The following LSAMP variants were observed in gnomAD, a reference collection of about 807,000 sequenced individuals.
The protein encoded by LSAMP is limbic system-associated membrane protein.
LSAMP carries 7 observed loss-of-function variants against 38.6 expected under a neutral mutation model. The ratio of observed to expected loss-of-function variants is 0.18; its 90% CI spans 0.10 to 0.34. The LOEUF (loss-of-function observed/expected upper bound fraction) is 0.34, where lower values mean the gene tolerates loss of function less well. Ranked by LOEUF, LSAMP falls within the 10% of genes least tolerant of loss-of-function variation. The pLI is 1.00. For missense variants in LSAMP, 313 were observed against 420.0 expected, an observed-to-expected ratio of 0.75 and a Z score of 2.23; for synonymous variants, 154 against 166.8, an observed-to-expected ratio of 0.92 and a Z score of 0.59.
chr3:116,081,470 TG>T (rs1707871826), intron 2 of LSAMP, among the ~76,000 whole-genome samples: 1 of 151,738 alleles, frequency 6.6e-6, no homozygotes, highest in African/African-American at 2.4e-5. Flanking sequence ...AAAAAGAGGT[TG>T]GGTTTCCTAA....
intron 1 of LSAMP, among the ~76,000 whole-genome samples, chr3:116,420,254 C>G (rs766876011): frequency 6.6e-6 from 1 of 151,928 alleles, no homozygotes; most frequent in Non-Finnish European, 1.5e-5. Context: ...CCTGTCACCA[C>G]GCCTGGCTAA....
At chr3:116,284,166 T>G (rs2047164712) in intron 1 of LSAMP, among the ~76,000 whole-genome samples, 1 of 152,142 alleles carries the variant, frequency 6.6e-6, no homozygotes, top group African/African-American at 2.4e-5. Context: ...GTAAAGGTGA[T>G]TAGGAGGCTG....
intron 1 of LSAMP, among the ~76,000 whole-genome samples, chr3:116,164,985 T>C (rs1710014219): frequency 6.6e-6 from 1 of 152,008 alleles, no homozygotes; most frequent in African/African-American, 2.4e-5. Context: ...TCCTCACTTG[T>C]TACTTTTTTA....
intron 1 of LSAMP, among the ~76,000 whole-genome samples, chr3:116,122,313 A>C (rs1403040663): frequency 2.0e-5 from 3 of 152,086 alleles, no homozygotes; most frequent in African/African-American, 7.3e-5. Context: ...GGATATGTTG[A>C]TGATGGTAAT....
chr3:116,228,159 T>C (rs796516275), intron 1 of LSAMP, among the ~76,000 whole-genome samples: 24 of 152,244 alleles, frequency 1.6e-4, no homozygotes, highest in African/African-American at 5.8e-4. Context: ...TTTTCTAATA[T>C]TCATCAAAAC....
At chr3:116,166,990 A>G (rs954519641) in intron 1 of LSAMP, among the ~76,000 whole-genome samples, 10 of 151,870 alleles carry the variant, frequency 6.6e-5, no homozygotes, top group Non-Finnish European at 1.5e-4. Flanking sequence ...ACGGGGTTTC[A>G]CCGTGTTAGC....
chr3:116,152,458 C>CTGT (rs1417174028), intron 1 of LSAMP, among the ~76,000 whole-genome samples: 2 of 152,100 alleles, frequency 1.3e-5, no homozygotes, highest in African/African-American at 4.8e-5. Flanking sequence ...ACTGCCTGTA[C>CTGT]TGTTAATCAT....
intron 3 of LSAMP, among the ~76,000 whole-genome samples, chr3:115,893,901 G>A (rs1476900437): frequency 6.6e-6 from 1 of 151,910 alleles, no homozygotes; most frequent in Non-Finnish European, 1.5e-5. Flanking sequence ...GAATCAACAT[G>A]CATACTCCGT....
intron 2 of LSAMP, among the ~76,000 whole-genome samples, chr3:116,059,298 T>C (rs1217503918): frequency 6.6e-6 from 1 of 152,234 alleles, no homozygotes; most frequent in East Asian, 1.9e-4. Flanking sequence ...TTTTGCCTTA[T>C]GCAACTCTTT....
intron 3 of LSAMP, among the ~76,000 whole-genome samples, chr3:115,938,047 T>C (rs924403500): frequency 6.6e-6 from 1 of 152,224 alleles, no homozygotes; most frequent in African/African-American, 2.4e-5. Flanking sequence ...AAAAGTACTC[T>C]TGTATTGAAT....
At chr3:115,978,127 G>A (rs1220974406) in intron 3 of LSAMP, among the ~76,000 whole-genome samples, 1 of 151,986 alleles carries the variant, frequency 6.6e-6, no homozygotes, top group East Asian at 1.9e-4. Context: ...TTTCACCTCA[G>A]CCTGTAGAGC....
At chr3:116,132,238 CAA>C (rs71141854) in intron 1 of LSAMP, among the ~76,000 whole-genome samples, 77,705 of 145,780 alleles carry the variant, frequency 0.53, 21,239 homozygotes, top group East Asian at 0.73. Flanking sequence ...ATAGAACTAT[CAA>C]AAAAAAAAAA....
At chr3:115,925,591 TG>T (rs374495031) in intron 3 of LSAMP, among the ~76,000 whole-genome samples, 39 of 152,304 alleles carry the variant, frequency 2.6e-4, no homozygotes, top group African/African-American at 9.1e-4. Context: ...TAAAATTATT[TG>T]AGAATGATGG....
chr3:115,973,274 T>C (rs1297319512), intron 3 of LSAMP, among the ~76,000 whole-genome samples: 1 of 152,218 alleles, frequency 6.6e-6, no homozygotes, highest in Non-Finnish European at 1.5e-5. Flanking sequence ...TGAGAATGGT[T>C]AGATGTGAGA....
chr3:116,290,731 CAAA>C (rs1336080777), intron 1 of LSAMP, among the ~76,000 whole-genome samples: 1 of 73,378 alleles, frequency 1.4e-5, no homozygotes, highest in Non-Finnish European at 2.9e-5. Flanking sequence ...CTCTGTCTCA[CAAA>C]AATAATAATA....
chr3:115,839,141 C>T (rs908780644), intron 6 of LSAMP, among the ~76,000 whole-genome samples: 2 of 152,190 alleles, frequency 1.3e-5, no homozygotes, highest in African/African-American at 4.8e-5. Context: ...TCTTCCTTTT[C>T]CAATTAATCC....
intron 1 of LSAMP, among the ~76,000 whole-genome samples, chr3:116,415,862 G>A (rs115843835): frequency 0.011 from 1,638 of 152,236 alleles, 35 homozygotes; most frequent in African/African-American, 0.038. Flanking sequence ...CCAAGGGGAA[G>A]GCCAGCAGTG....
At chr3:116,344,670 A>G (rs1364626993) in intron 1 of LSAMP, among the ~76,000 whole-genome samples, 1 of 152,128 alleles carries the variant, frequency 6.6e-6, no homozygotes, top group Non-Finnish European at 1.5e-5. Context: ...ACAACCATTA[A>G]TCTAGACACA....
At chr3:116,342,796 G>A (rs182813225) in intron 1 of LSAMP, among the ~76,000 whole-genome samples, 67 of 152,120 alleles carry the variant, frequency 4.4e-4, no homozygotes, top group African/African-American at 8.9e-4. Flanking sequence ...CAGTTACAAC[G>A]GTCCAAGATA....
Sources: gnomAD v4.1 joint callset for allele counts (sites outside exome capture counted in the v4.1 genomes callset) on GRCh38, gnomAD v4.1.1 for gene constraint, MANE v1.5 for transcripts, NCBI Gene and HGNC (gene_info 2026-07-23, HGNC 2026-07-21) for gene names.